DMXL2: variants seen among roughly 807,000 people sequenced by gnomAD.
DMXL2 encodes Dmx like 2.
In DMXL2, 103 loss-of-function variants were observed where a neutral mutation model predicts 331.1. That is an observed-to-expected ratio of 0.31 (90% confidence interval 0.27 to 0.37). The LOEUF is 0.37. Ranked by LOEUF, DMXL2 falls within the 10% of genes least tolerant of loss-of-function variation. DMXL2 has a pLI of 1.00. For missense variants in DMXL2, 3,171 were observed against 3,642.9 expected, an observed-to-expected ratio of 0.87 and a Z score of 3.33; for synonymous variants, 1,281 against 1,252.1, an observed-to-expected ratio of 1.02 and a Z score of -0.49.
intron 1 of DMXL2, among the ~76,000 whole-genome samples, chr15:51,578,253 C>A (rs940899099): frequency 6.6e-6 from 1 of 152,168 alleles, no homozygotes; most frequent in Non-Finnish European, 1.5e-5. Flanking sequence ...CAGGTCCTTA[C>A]AATTCTTACA....
rs188889209 is a variant in DMXL2 at position 51,600,727 on chromosome 15, C to G, written c.87+21732G>C. ...CTGTCTTGGTCAAATAAACTGGACACGGATAGGACAAGAACCACAAGGGTA... is the reference window on the plus strand; with the variant it reads ...CTGTCTTGGTCAAATAAACTGGACAGGGATAGGACAAGAACCACAAGGGTA... On this transcript the variant is annotated intron_variant, in intron 1 of 43. Transcript: ENST00000560891. Among the ~76,000 whole-genome samples, 79 of 152,258 alleles carry G rather than the reference C, an allele frequency of 5.2e-4. 2 individuals carry two copies. The South Asian group carries it at 0.016, about 31-fold the overall frequency.
At chr15:51,569,520 G>A (rs893309414) in intron 2 of DMXL2, among the ~76,000 whole-genome samples, 5 of 152,022 alleles carry the variant, frequency 3.3e-5, no homozygotes, top group African/African-American at 1.2e-4. Flanking sequence ...TGACCCCCCC[G>A]TGTACCCAGA....
intron 29 of DMXL2, 195 bp from the exon 30 acceptor site, chr15:51,466,506 A>G: frequency 5.8e-6 from 1 of 171,436 alleles, no homozygotes; most frequent in Non-Finnish European, 1.2e-5. Flanking sequence ...ATAATGCTAC[A>G]TCTACAAAAG....
At chr15:51,526,252 GTC>G (rs2047670945) in intron 13 of DMXL2, among the ~76,000 whole-genome samples, 1 of 152,050 alleles carries the variant, frequency 6.6e-6, no homozygotes, top group African/African-American at 2.4e-5. Flanking sequence ...GAGAACAAGA[GTC>G]TCTGCCTGGT....
intron 22 of DMXL2, 120 bp downstream of exon 22, chr15:51,487,834 A>G (rs2042509684): frequency 1.3e-6 from 1 of 791,726 alleles, no homozygotes; most frequent in African/African-American, 1.8e-5. Flanking sequence ...TAAGTACAGC[A>G]ACCTCTGTAG....
chr15:51,468,020 C>T (rs184887823), intron 29 of DMXL2, among the ~76,000 whole-genome samples: 4 of 152,218 alleles, frequency 2.6e-5, no homozygotes, highest in East Asian at 1.9e-4. Context: ...GCCACCATGC[C>T]GGGCCTGACC....
chr15:51,470,637 T>C (rs1444874704), intron 29 of DMXL2, among the ~76,000 whole-genome samples: 1 of 152,052 alleles, frequency 6.6e-6, no homozygotes, highest in Non-Finnish European at 1.5e-5. Context: ...AGTTAACACA[T>C]GTAAAGAGGG....
At chr15:51,617,601 C>T (rs180990322) in intron 1 of DMXL2, among the ~76,000 whole-genome samples, 1 of 152,344 alleles carries the variant, frequency 6.6e-6, no homozygotes, top group East Asian at 1.9e-4. Flanking sequence ...AGACCTACAA[C>T]TTCAACACAA....
rs185002538 is a variant in DMXL2 at position 51,521,937 on chromosome 15, C to T, written c.2437-4770G>A. ...CAAATTACACTTTAGATCATTCCTA[C>T]TTTAAAAGCTTGTTTTTACTAATAG... On this transcript the variant is annotated intron_variant, in intron 13 of 43. Transcript: ENST00000560891. 4.7e-4 allele frequency among the ~76,000 whole-genome samples: 71 copies of T among 152,228 alleles called. 1 individual carries two copies. In the East Asian group the frequency reaches 0.012, roughly 26 times the overall value.
chr15:51,536,351 G>A lies in DMXL2; in HGVS notation c.2129C>T (p.Ala710Val). Reference sequence around the variant, plus strand: ...TGGGTCATGAAATGTACGAGTTGCTGCATTTCTAAGAGGTTGTTTCGAGGA... The same window carrying A: ...TGGGTCATGAAATGTACGAGTTGCTACATTTCTAAGAGGTTGTTTCGAGGA... ...KGSSKQPLRN[A>V]ATRTFHDPNA... Residue 710 changes from alanine to valine, a missense_variant, in exon 12 of 44, where the codon GCA (alanine) becomes GTA (valine). Ala to Val is a moderately conservative substitution (Grantham distance 64). Around this residue, in one of 7 missense-constraint regions of DMXL2, gnomAD observed 1,674 missense variants for 1,780.2 expected, o/e 0.94. Coordinates refer to ENST00000560891, the MANE Select transcript of DMXL2 (RefSeq NM_001378457.1). 1 of 1,613,840 alleles carries A rather than the reference G, an allele frequency of 6.2e-7. No homozygotes were observed. Among genetic ancestry groups the A allele is most frequent in the Non-Finnish European group, 8.5e-7 (1 of 1,179,870 alleles).
intron 39 of DMXL2, 131 bp from the exon 40 acceptor site, chr15:51,455,359 T>G: frequency 1.2e-6 from 1 of 802,984 alleles, no homozygotes; most frequent in Non-Finnish European, 2.0e-6. Flanking sequence ...GTTGCTGTCA[T>G]TCCCAAAAAG....
chr15:51,463,764 ATCTCTTATTAT>A (rs534598915), intron 32 of DMXL2, among the ~76,000 whole-genome samples: 115 of 152,276 alleles, frequency 7.6e-4, no homozygotes, highest in African/African-American at 2.6e-3. Context: ...AGTCAAATGA[ATCTCTTATTAT>A]TCTCTTTTTA....
chr15:51,591,542 G>T (rs2052337418), intron 1 of DMXL2, among the ~76,000 whole-genome samples: 1 of 152,174 alleles, frequency 6.6e-6, no homozygotes, highest in Admixed American at 6.5e-5. Flanking sequence ...AGAACCCTCT[G>T]CAGACTTAAA....
intron 1 of DMXL2, among the ~76,000 whole-genome samples, chr15:51,585,519 T>C (rs930891158): frequency 3.3e-5 from 5 of 152,198 alleles, no homozygotes; most frequent in African/African-American, 1.2e-4. Context: ...AAACAATGCT[T>C]CGATGAACAT....
At position 51,464,811 on chromosome 15, in the gene DMXL2, A is replaced by G. The variant is rs768192913; in HGVS notation, c.7672T>C (p.Leu2558=). Residue 2558 remains leucine (L), a synonymous_variant, in exon 32 of 44, where the codon TTG becomes CTG. Transcript: ENST00000560891. ...TCAAACTGATCCATTTTCTCTTGCA[A>G]GATCTGTTCCCAGTTCTCCAAGTTT... ...IKNLENWEQI[L]QEKMDQFEGP... is the part of the protein sequence containing the mutation. 6.2e-7 allele frequency: 1 copy of G among 1,614,154 alleles called. No homozygotes were observed. The highest frequency in any genetic ancestry group is 1.1e-5 in the South Asian group (1 of 91,084).
Position 51,536,586 on chromosome 15 carries a change from A to C in DMXL2, c.1894T>G (p.Ser632Ala). The change falls in exon 12 of 44, where the codon TCT (serine) becomes GCT (alanine). Residue 632 changes from serine (S) to alanine (A), a missense_variant. Transcript: ENST00000560891. ...ACAGTTAGAACAGTGGTAAAGGCAG[A>C]CTTATCAGCAAAAGTGACTGCCCAC... Reference protein sequence around the residue: ...NQWAVTFADKSAFTTVLTVSH... With the variant: ...NQWAVTFADKAAFTTVLTVSH... The C allele has an allele frequency of 6.2e-7, 1 of 1,614,080 alleles. No homozygotes were observed.
intron 1 of DMXL2, among the ~76,000 whole-genome samples, chr15:51,609,321 G>A (rs1443478217): frequency 2.0e-5 from 3 of 152,204 alleles, no homozygotes; most frequent in Non-Finnish European, 4.4e-5. Flanking sequence ...TAAATGAAGT[G>A]AAAGTTCTAG....
chr15:51,471,908 T>C (rs2041148465), intron 28 of DMXL2, among the ~76,000 whole-genome samples: 1 of 152,156 alleles, frequency 6.6e-6, no homozygotes, highest in South Asian at 2.1e-4. Context: ...AACAACAGTC[T>C]AGAGTTAGGT....
chr15:51,504,851 T>C (rs1347456962), intron 16 of DMXL2, among the ~76,000 whole-genome samples: 2 of 152,196 alleles, frequency 1.3e-5, no homozygotes, highest in African/African-American at 4.8e-5. Flanking sequence ...AAGGTTAAAC[T>C]ACATCATTTC....
Sources: gnomAD v4.1 joint callset for allele counts (sites outside exome capture counted in the v4.1 genomes callset) on GRCh38, gnomAD v4.1.1 for gene constraint, gnomAD v4.1.1 regional missense constraint, MANE v1.5 for transcripts, NCBI Gene and HGNC (gene_info 2026-07-23, HGNC 2026-07-21) for gene names.